FBN2: variants seen among roughly 807,000 people sequenced by gnomAD.
FBN2 encodes fibrillin 2, also known as fibrillin-2.
FBN2 carries 105 observed loss-of-function variants against 355.6 expected under a neutral mutation model. The observed-to-expected ratio is 0.30, with a 90% CI of 0.25 to 0.35. The LOEUF is 0.35. Ranked by LOEUF, FBN2 falls within the 10% of genes least tolerant of loss-of-function variation. FBN2 has a pLI of 1.00. For missense variants in FBN2, 3,280 were observed against 3,758.7 expected (o/e 0.87, Z 3.33); for synonymous variants, 1,350 against 1,301.2 (o/e 1.04, Z -0.81).
intron 5 of FBN2, among the ~76,000 whole-genome samples, chr5:128,486,582 C>G (rs1344783301): frequency 6.6e-6 from 1 of 152,134 alleles, no homozygotes; most frequent in African/African-American, 2.4e-5. Context: ...TGCAGGGCCC[C>G]TTACCGAGTA....
intron 15 of FBN2, among the ~76,000 whole-genome samples, chr5:128,372,057 T>A (rs1004568464): frequency 6.6e-6 from 1 of 152,224 alleles, no homozygotes; most frequent in African/African-American, 2.4e-5. Flanking sequence ...CAGTAGTAGT[T>A]AACTTATTGC....
intron 15 of FBN2, 62 bp downstream of exon 15, chr5:128,374,566 T>G: frequency 1.2e-6 from 2 of 1,604,262 alleles, no homozygotes; most frequent in Non-Finnish European, 1.7e-6. Flanking sequence ...TATAGAAATA[T>G]CTCTGTCAGT....
At chr5:128,298,706 C>T (rs1361640785) in intron 48 of FBN2, among the ~76,000 whole-genome samples, 1 of 152,138 alleles carries the variant, frequency 6.6e-6, no homozygotes, top group Non-Finnish European at 1.5e-5. Context: ...TTAAGCACTT[C>T]TCTGTATTGG....
chr5:128,511,327 C>T (rs1050833711), intron 5 of FBN2, among the ~76,000 whole-genome samples: 1 of 152,204 alleles, frequency 6.6e-6, no homozygotes, highest in African/African-American at 2.4e-5. Flanking sequence ...AGGGCAGCCT[C>T]TTGACTCCAG....
chr5:128,444,120 C>T (rs1046520004), intron 7 of FBN2, among the ~76,000 whole-genome samples: 19 of 127,294 alleles, frequency 1.5e-4, no homozygotes, highest in South Asian at 2.5e-4. Context: ...GGCCGGACTG[C>T]GGACTGCAGT....
rs755170235 is a variant in FBN2 at position 128,289,082 on chromosome 5, G to A, written c.6637+45C>T. 5.0e-6 allele frequency: 8 copies of A among 1,606,388 alleles called. No individual in the cohort carries two copies. In the African/African-American group the frequency reaches 9.4e-5, roughly 19 times the overall value. ...AGAGACCTTTTACTGAATATGAGAA[G>A]TAAAATAGAACTTTAAAATTCTGTA... On this transcript the variant is annotated intron_variant, in intron 52 of 64. Coordinates refer to ENST00000262464, the MANE Select transcript of FBN2 (RefSeq NM_001999.4).
At chr5:128,489,070 C>A (rs1000130549) in intron 5 of FBN2, among the ~76,000 whole-genome samples, 1 of 151,960 alleles carries the variant, frequency 6.6e-6, no homozygotes, top group Admixed American at 6.6e-5. Flanking sequence ...CCTGAGGAAT[C>A]GCCGCACTGA....
Position 128,459,364 on chromosome 5 carries a change from C to A in FBN2, c.826+5360G>T, listed in dbSNP as rs190605093. Reference sequence around the variant, plus strand: ...CAGACGGATTCACAGCTGAATTCTACAAGAAACACAAAGAGGAGCTGGTTC... The same window carrying A: ...CAGACGGATTCACAGCTGAATTCTAAAAGAAACACAAAGAGGAGCTGGTTC... On this transcript the variant is annotated intron_variant, in intron 6 of 64. Coordinates refer to ENST00000262464, the MANE Select transcript of FBN2 (RefSeq NM_001999.4). Among the ~76,000 whole-genome samples the A allele has an allele frequency of 5.3e-5, 8 of 152,224 alleles. No homozygotes were observed. In the East Asian group the frequency reaches 1.4e-3, roughly 26 times the overall value.
rs760028503 is a variant in FBN2, at chr5:128,408,702, T to C, written c.1050A>G (p.Val350=). 6.2e-7 allele frequency: 1 copy of C among 1,614,044 alleles called. No individual in the cohort carries two copies. Among genetic ancestry groups the C allele is most frequent in the South Asian group, 1.1e-5 (1 of 91,082 alleles). The change falls in exon 8 of 65, where the codon GTA becomes GTG. Residue 350 remains valine, a synonymous_variant. Transcript: ENST00000262464. The stretch of plus-strand genomic sequence containing the variant: ...TGCATCGAGAGCCATCTGTTGAGGT[T>C]ACATATCCACGTGGACAAACACAAA... The part of the protein sequence containing the change: ...SYFCVCPRGY[V]TSTDGSRCID...
intron 15 of FBN2, among the ~76,000 whole-genome samples, chr5:128,369,872 C>A (rs560660521): frequency 6.6e-5 from 10 of 152,228 alleles, no homozygotes; most frequent in African/African-American, 2.4e-4. Flanking sequence ...TCAGTAAATC[C>A]AGTTATAAAA....
chr5:128,453,315 T>A (rs979467242), intron 6 of FBN2, among the ~76,000 whole-genome samples: 6 of 152,218 alleles, frequency 3.9e-5, no homozygotes, highest in African/African-American at 1.2e-4. Flanking sequence ...CATGTTCCTC[T>A]CACTTATGTC....
At chr5:128,394,994 C>G in intron 9 of FBN2, 128 bp downstream of exon 9, 1 of 1,021,416 alleles carries the variant, frequency 9.8e-7, no homozygotes, top group Non-Finnish European at 1.5e-6. Flanking sequence ...CCATGTTGCC[C>G]AGGCTGGTTT....
chr5:128,427,755 C>T (rs761213615), intron 7 of FBN2, among the ~76,000 whole-genome samples: 4 of 152,110 alleles, frequency 2.6e-5, no homozygotes, highest in Non-Finnish European at 5.9e-5. Flanking sequence ...TTTAGAAATC[C>T]TTACCTATAA....
intron 7 of FBN2, among the ~76,000 whole-genome samples, chr5:128,444,135 C>T (rs1016175376): frequency 1.3e-4 from 18 of 139,940 alleles, no homozygotes; most frequent in African/African-American, 1.4e-4. Flanking sequence ...TGCAGTGGCG[C>T]GATCTCGGCT....
intron 2 of FBN2, among the ~76,000 whole-genome samples, chr5:128,534,510 T>C (rs190049635): frequency 1.2e-4 from 18 of 152,364 alleles, no homozygotes; most frequent in Admixed American, 1.2e-3. Flanking sequence ...CTAATAAATA[T>C]TTTTGTAGAT....
intron 5 of FBN2, among the ~76,000 whole-genome samples, chr5:128,479,169 T>C (rs1386318494): frequency 6.6e-6 from 1 of 152,220 alleles, no homozygotes; most frequent in African/African-American, 2.4e-5. Flanking sequence ...GCCAAACTAT[T>C]GCTTAAATGG....
intron 8 of FBN2, among the ~76,000 whole-genome samples, chr5:128,397,901 C>T (rs936261219): frequency 4.6e-5 from 7 of 152,102 alleles, no homozygotes; most frequent in African/African-American, 1.4e-4. Flanking sequence ...AAAACTCCCT[C>T]GTAAGGTAGG....
intron 62 of FBN2, among the ~76,000 whole-genome samples, chr5:128,267,151 G>A (rs1765137521): frequency 6.6e-6 from 1 of 152,172 alleles, no homozygotes; most frequent in South Asian, 2.1e-4. Flanking sequence ...CAAAGGACAT[G>A]CTCTCATTCC....
At chr5:128,304,011 G>A (rs1306708810) in intron 45 of FBN2, among the ~76,000 whole-genome samples, 1 of 152,128 alleles carries the variant, frequency 6.6e-6, no homozygotes, top group Non-Finnish European at 1.5e-5. Flanking sequence ...GGCTTTAGGA[G>A]GCAATGGATG....
Sources: allele counts gnomAD v4.1 joint callset (sites outside exome capture counted in the v4.1 genomes callset), GRCh38; gene constraint gnomAD v4.1.1; transcripts MANE v1.5; gene names NCBI Gene and HGNC (gene_info 2026-07-23, HGNC 2026-07-21).